The following RHOBTB1 variants were observed in gnomAD, a reference collection of about 807,000 sequenced individuals.
RHOBTB1 encodes Rho related BTB domain containing 1.
Under a neutral mutation model 71.6 loss-of-function variants are expected in RHOBTB1, and 40 were observed. The ratio of observed to expected loss-of-function variants is 0.56; its 90% CI spans 0.43 to 0.73. The LOEUF (loss-of-function observed/expected upper bound fraction) is 0.73. Ranked by LOEUF, RHOBTB1 falls within the 30% of genes least tolerant of loss-of-function variation. The pLI, the probability that RHOBTB1 is intolerant of heterozygous loss-of-function variation, is 0.00. For synonymous variants in RHOBTB1, 319 were observed against 334.9 expected (o/e 0.95, Z 0.52); for missense variants, 797 against 894.0 (o/e 0.89, Z 1.38).
At chr10:60,924,223 A>T (rs2083730475) in intron 2 of RHOBTB1, among the ~76,000 whole-genome samples, 1 of 151,318 alleles carries the variant, frequency 6.6e-6, no homozygotes, top group Non-Finnish European at 1.5e-5. Context: ...CTCCATAAAG[A>T]AATAATGATA....
chr10:60,894,633 T>C (rs1187409550), intron 4 of RHOBTB1, among the ~76,000 whole-genome samples: 1 of 152,164 alleles, frequency 6.6e-6, no homozygotes, highest in Non-Finnish European at 1.5e-5. Flanking sequence ...TTATATCAGG[T>C]ATCTGATGAA....
At chr10:60,903,232 C>T (rs1418943418) in intron 4 of RHOBTB1, among the ~76,000 whole-genome samples, 1 of 152,110 alleles carries the variant, frequency 6.6e-6, no homozygotes, top group Non-Finnish European at 1.5e-5. Context: ...TAACATAATG[C>T]ATGTTTGTGG....
chr10:60,971,249 C>T lies in RHOBTB1; in HGVS notation c.-62+14596G>A, dbSNP rs191781603. On this transcript the variant is annotated intron_variant, in intron 2 of 11. Transcript: ENST00000357917. Reference sequence around the variant, plus strand: ...CCTATATAGCCAAGATAATCCTAAGCGAAAAGAACAAAGCTGGAGGCATCA... The same window carrying T: ...CCTATATAGCCAAGATAATCCTAAGTGAAAAGAACAAAGCTGGAGGCATCA... Among the ~76,000 whole-genome samples the T allele has an allele frequency of 4.3e-3, 658 of 152,026 alleles. 1 individual carries two copies. Among genetic ancestry groups the T allele is most frequent in the Non-Finnish European group, 7.2e-3 (487 of 67,966 alleles).
In RHOBTB1 at chr10:60,931,621, A is replaced by G. The variant is rs60136964; in HGVS notation, c.-11+10183T>C. On this transcript the variant is annotated intron_variant, in intron 2 of 10. Transcript: ENST00000337910. ...ATGGGTATATTAAGTATAACCCTTG[A>G]TTTTCACTTCTAAGAGTACACTTAT... is the stretch of plus-strand genomic sequence containing the variant. Among the ~76,000 whole-genome samples, 3 of 152,156 alleles carry G rather than the reference A, an allele frequency of 2.0e-5. No individual in the cohort carries two copies. The East Asian group carries it at 5.8e-4, about 29-fold the overall frequency.
In RHOBTB1 at chr10:60,961,077, A is replaced by C. The variant is rs562442177; in HGVS notation, c.-61-19223T>G. 4.2e-3 allele frequency among the ~76,000 whole-genome samples: 643 copies of C among 152,106 alleles called. 1 individual carries two copies. The highest frequency in any genetic ancestry group is 7.1e-3 in the Non-Finnish European group (481 of 67,960). On this transcript the variant is annotated intron_variant, in intron 2 of 11. Transcript: ENST00000357917. ...TCTTTTTCTTCTAGCCCTTCAACCA[A>C]CCAAAGGAAAGGGGTGTGGGGCTGT...
chr10:60,902,038 G>A (rs79109262), intron 4 of RHOBTB1, among the ~76,000 whole-genome samples: 3,743 of 152,288 alleles, frequency 0.025, 159 homozygotes, highest in African/African-American at 0.084. Context: ...TTGGCACTCC[G>A]CTTTCCAAGG....
At chr10:60,881,369 T>C (rs2081322078) in intron 7 of RHOBTB1, among the ~76,000 whole-genome samples, 1 of 152,220 alleles carries the variant, frequency 6.6e-6, no homozygotes, top group African/African-American at 2.4e-5. Context: ...ATTTGAACCA[T>C]TTTAATAGTG....
Position 60,892,850 on chromosome 10 carries a change from C to A in RHOBTB1, c.442G>T (p.Asp148Tyr). ...VGCQLDLRYA[D>Y]LEAVNRARRP... ...CTGGCTCGATTAACAGCTTCCAGGT[C>A]GGCATAGCGGAGATCAAGCTGGCAC... The change falls in exon 5 of 11, where the codon GAC becomes TAC. Residue 148 changes from aspartate to tyrosine, a missense_variant. Physicochemically the swap from Asp to Tyr is radical, Grantham distance 160 (BLOSUM62 -3). Transcript: ENST00000337910. 1 of 1,613,174 alleles carries A rather than the reference C, an allele frequency of 6.2e-7. No individual in the cohort carries two copies. The highest frequency in any genetic ancestry group is 8.5e-7 in the Non-Finnish European group (1 of 1,179,738).
chr10:60,872,261 C>T lies in RHOBTB1; in HGVS notation c.1845G>A (p.Trp615Ter), dbSNP rs1319214200. 6.2e-7 allele frequency: 1 copy of T among 1,614,080 alleles called. No homozygotes were observed. The highest frequency in any genetic ancestry group is 8.5e-7 in the Non-Finnish European group (1 of 1,179,978). The change falls in exon 10 of 11, where the codon TGG becomes TGA. Residue 615 changes from tryptophan (W) to a stop codon, truncating the protein, a stop_gained. Coordinates refer to ENST00000337910, the MANE Select transcript of RHOBTB1 (RefSeq NM_014836.5). LOFTEE classifies it high-confidence loss of function. Reference protein sequence around the residue: ...QFHNAHQLAAWCLHHICTNYN... With the variant: ...QFHNAHQLAA ...AGTTGGTGCAGATGTGGTGCAAACA[C>T]CAGGCGGCCAACTGGTGGGCATTGT...
chr10:60,868,643 T>G (rs2080654332), downstream of RHOBTB1, among the ~76,000 whole-genome samples: 1 of 152,174 alleles, frequency 6.6e-6, no homozygotes, highest in Admixed American at 6.5e-5. Context: ...GGGTCTGTGG[T>G]TCTCAAAATG....
At chr10:60,940,969 C>T (rs2084872524) in intron 2 of RHOBTB1, among the ~76,000 whole-genome samples, 1 of 152,114 alleles carries the variant, frequency 6.6e-6, no homozygotes, top group Non-Finnish European at 1.5e-5. Flanking sequence ...GCCAGAGACC[C>T]CACAATAAAA....
At chr10:60,973,079 T>C (rs1297029003) in intron 2 of RHOBTB1, among the ~76,000 whole-genome samples, 1 of 152,000 alleles carries the variant, frequency 6.6e-6, no homozygotes, top group African/African-American at 2.4e-5. Context: ...CATTATATAG[T>C]ATGTCTGTTA....
At chr10:60,919,127 G>C (rs2083421966) in intron 2 of RHOBTB1, among the ~76,000 whole-genome samples, 1 of 152,156 alleles carries the variant, frequency 6.6e-6, no homozygotes. Flanking sequence ...GACCTTTGTA[G>C]TCTTATCTCC....
intron 2 of RHOBTB1, among the ~76,000 whole-genome samples, chr10:60,920,364 G>A (rs1312961749): frequency 6.6e-6 from 1 of 152,120 alleles, no homozygotes. Flanking sequence ...AAGCCTGAAG[G>A]GCAGACTGGG....
the RHOBTB1 span, among the ~76,000 whole-genome samples, chr10:60,864,371 ACT>A: frequency 6.6e-6 from 1 of 152,136 alleles, no homozygotes; most frequent in Non-Finnish European, 1.5e-5. Context: ...AGTTTTTTGG[ACT>A]CTGGTAGAGT....
intron 7 of RHOBTB1, among the ~76,000 whole-genome samples, chr10:60,884,598 C>T (rs560831205): frequency 6.6e-6 from 1 of 152,182 alleles, no homozygotes; most frequent in Non-Finnish European, 1.5e-5. Flanking sequence ...TGTCCATCAA[C>T]AGATGGATGA....
At chr10:60,915,444 GAAAA>G (rs1036485033) in intron 2 of RHOBTB1, among the ~76,000 whole-genome samples, 1 of 146,172 alleles carries the variant, frequency 6.8e-6, no homozygotes, top group Non-Finnish European at 1.5e-5. Context: ...AAGGTAGAAA[GAAAA>G]AAAAAAGAAA....
At chr10:60,869,216 T>C (rs1298350200), downstream of RHOBTB1, among the ~76,000 whole-genome samples, 1 of 152,218 alleles carries the variant, frequency 6.6e-6, no homozygotes, top group Non-Finnish European at 1.5e-5. Flanking sequence ...TGACATACTG[T>C]ATTAGCCAAG....
intron 10 of RHOBTB1, chr10:60,871,901 G>T (rs998022010): frequency 1.3e-5 from 8 of 603,648 alleles, no homozygotes; most frequent in Non-Finnish European, 2.0e-5. Flanking sequence ...CTGCTCCTAA[G>T]CTTGTCTCCC....
Sources: gnomAD v4.1 joint callset for allele counts (sites outside exome capture counted in the v4.1 genomes callset) on GRCh38, gnomAD v4.1.1 for gene constraint, MANE v1.5 for transcripts, NCBI Gene and HGNC (gene_info 2026-07-23, HGNC 2026-07-21) for gene names.